The following SHC3 variants were observed in gnomAD, a reference collection of about 807,000 sequenced individuals.
SHC3 encodes the protein SHC-transforming protein 3.
In SHC3, 15 loss-of-function variants were observed where a neutral mutation model predicts 60.4. The ratio of observed to expected loss-of-function variants is 0.25; its 90% confidence interval spans 0.17 to 0.38. The LOEUF is 0.38. SHC3 is among the 10% of genes least tolerant of loss of function. The pLI, the probability that SHC3 is intolerant of heterozygous loss-of-function variation, is 1.00. For synonymous variants in SHC3, 294 were observed against 325.9 expected, an observed-to-expected ratio of 0.90 and a Z score of 1.05; for missense variants, 677 against 786.1, an observed-to-expected ratio of 0.86 and a Z score of 1.66.
chr9:89,149,487 CT>C (rs1227405155), intron 1 of SHC3, among the ~76,000 whole-genome samples: 2 of 152,116 alleles, frequency 1.3e-5, no homozygotes, highest in African/African-American at 2.4e-5. Flanking sequence ...CTCTGCACCC[CT>C]CTTCCTAAGA....
At chr9:89,136,839 T>C (rs947655082) in intron 1 of SHC3, among the ~76,000 whole-genome samples, 2 of 151,952 alleles carry the variant, frequency 1.3e-5, no homozygotes, top group Non-Finnish European at 2.9e-5. Flanking sequence ...TGGAGTGTAT[T>C]AGACCATTCT....
intron 11 of SHC3, among the ~76,000 whole-genome samples, chr9:89,035,862 T>TATATATATATA (rs1491088730): frequency 8.7e-4 from 91 of 105,048 alleles, no homozygotes; most frequent in Middle Eastern, 5.1e-3. Context: ...TGTGTGTGTG[T>TATATATATATA]GTGTGTGTGT....
At chr9:89,107,701 A>C (rs1167479199) in intron 2 of SHC3, among the ~76,000 whole-genome samples, 1 of 152,180 alleles carries the variant, frequency 6.6e-6, no homozygotes, top group Non-Finnish European at 1.5e-5. Flanking sequence ...GCCATTCTGC[A>C]CCACCCAAAT....
chr9:89,016,677 A>C (rs1826100399), intron 11 of SHC3, among the ~76,000 whole-genome samples: 1 of 152,228 alleles, frequency 6.6e-6, no homozygotes, highest in Admixed American at 6.5e-5. Flanking sequence ...CTATGAAGCC[A>C]GCATTACCTG....
Position 89,042,028 on chromosome 9 carries a change from ATGTCAAAGAGGTCTTTCCTTGGGC to A in SHC3, c.1334_1357del (p.Ser445_Asp452del). 6.2e-7 allele frequency: 1 copy of A among 1,613,858 alleles called. No individual in the cohort carries two copies. Among genetic ancestry groups the A allele is most frequent in the Non-Finnish European group, 8.5e-7 (1 of 1,179,954 alleles). On this transcript the variant is annotated inframe_deletion, in exon 10 of 12. Coordinates refer to ENST00000375835, the MANE Select transcript of SHC3 (RefSeq NM_016848.6). ...ACCAGAGACAAACAGAAACCCACTC[ATGTCAAAGAGGTCTTTCCTTGGGC>A]TGCTCTCAGCACTGCTGACCGCAGC...
intron 2 of SHC3, among the ~76,000 whole-genome samples, chr9:89,097,963 G>A (rs1825729795): frequency 6.6e-6 from 1 of 152,146 alleles, no homozygotes; most frequent in Non-Finnish European, 1.5e-5. Flanking sequence ...TATCAAAGAT[G>A]CACATAAAAA....
At chr9:89,031,760 T>G (rs1039329453) in intron 11 of SHC3, among the ~76,000 whole-genome samples, 1 of 152,220 alleles carries the variant, frequency 6.6e-6, no homozygotes, top group Admixed American at 6.5e-5. Context: ...GGGAGATCAG[T>G]GTTTTTCTTT....
chr9:89,054,566 A>G (rs1359632682), intron 6 of SHC3, among the ~76,000 whole-genome samples: 1 of 152,254 alleles, frequency 6.6e-6, no homozygotes, highest in Non-Finnish European at 1.5e-5. Flanking sequence ...TGATGTGTGC[A>G]CTAAATAATG....
At position 89,013,287 on chromosome 9, in the gene SHC3, C is replaced by G. The variant is rs528927987; in HGVS notation, c.*160G>C. 6.8e-5 allele frequency: 56 copies of G among 818,232 alleles called. No individual in the cohort carries two copies. The highest frequency in any genetic ancestry group is 9.3e-5 in the Non-Finnish European group (54 of 581,744). 50.7% of individuals were successfully genotyped at this position (818,232 alleles called of 1,614,324 possible). A position where few individuals can be genotyped will look rare whatever the true frequency, so the allele number is the denominator to read the frequency against. Reference sequence around the variant, plus strand: ...TAATATGCATATGAGAAATTCAGAACCAAGTTTATGAAACTTGACCTTAAA... The same window carrying G: ...TAATATGCATATGAGAAATTCAGAAGCAAGTTTATGAAACTTGACCTTAAA... On this transcript the variant is annotated 3_prime_UTR_variant, in exon 12 of 12. Transcript: ENST00000375835.
chr9:89,167,535 C>G (rs1403965725), intron 1 of SHC3, among the ~76,000 whole-genome samples: 1 of 152,148 alleles, frequency 6.6e-6, no homozygotes, highest in Non-Finnish European at 1.5e-5. Context: ...ATCAGGGGCA[C>G]CTGCCAGGTC....
rs745538070 is a variant in SHC3, at chr9:89,035,462, A to G, written c.1656+2531T>C. 1.2e-4 allele frequency among the ~76,000 whole-genome samples: 19 copies of G among 152,174 alleles called. 1 individual carries two copies. The highest frequency in any genetic ancestry group is 2.4e-4 in the Non-Finnish European group (16 of 68,038). ...ACCACCAGATGTTAGGAGAGTTCCA[A>G]AGCCATAAGGATGTAATAGCATGGT... On this transcript the variant is annotated intron_variant, in intron 11 of 11. Coordinates refer to ENST00000375835, the MANE Select transcript of SHC3 (RefSeq NM_016848.6).
Position 89,047,000 on chromosome 9 carries a change from A to G in SHC3, c.963-6T>C, listed in dbSNP as rs1441474179. 6.4e-7 allele frequency: 1 copy of G among 1,553,646 alleles called. No homozygotes were observed. The highest frequency in any genetic ancestry group is 2.0e-5 in the Admixed American group (1 of 49,676). Reference sequence around the variant, plus strand: ...GCTCATCCAGACTCTGCATTCTGTTAAAGGAAGATTTCCAAGGGCTTTAGC... The same window carrying G: ...GCTCATCCAGACTCTGCATTCTGTTGAAGGAAGATTTCCAAGGGCTTTAGC... On this transcript the variant is annotated splice_polypyrimidine_tract_variant and splice_region_variant and intron_variant, in intron 7 of 11. Transcript: ENST00000375835.
chr9:89,174,815 C>T (rs1172234622), intron 1 of SHC3, among the ~76,000 whole-genome samples: 2 of 152,180 alleles, frequency 1.3e-5, no homozygotes, highest in Non-Finnish European at 2.9e-5. Context: ...TTCAGATGGC[C>T]CACTGGCTCT....
At chr9:89,117,159 G>T (rs556137279) in intron 1 of SHC3, among the ~76,000 whole-genome samples, 2 of 152,196 alleles carry the variant, frequency 1.3e-5, no homozygotes, top group Non-Finnish European at 2.9e-5. Flanking sequence ...CTAATTTCTT[G>T]TAGTTATATT....
In SHC3 at chr9:89,082,369, C is replaced by T. The variant is rs369543325; in HGVS notation, c.546-4466G>A. 3.9e-5 allele frequency among the ~76,000 whole-genome samples: 6 copies of T among 152,082 alleles called. No homozygotes were observed. The South Asian group carries it at 1.2e-3, about 31-fold the overall frequency. ...AAAGCTGACTGGGCCACATAGGTAC[C>T]CCTCCCTGGAACCAGCACCTCTGCC... On this transcript the variant is annotated intron_variant, in intron 2 of 11. Transcript: ENST00000375835.
rs963844960 is a variant in SHC3, at chr9:89,077,176, CA to C, written c.609+663del. The stretch of plus-strand genomic sequence containing the variant: ...CGGGGGATAGAGCGAGACTCTGTCT[CA>C]AAAAAACAAAAAAAAAAACAAAAAA... On this transcript the variant is annotated intron_variant, in intron 3 of 11. Transcript: ENST00000375835. Among the ~76,000 whole-genome samples, 5 of 128,810 alleles carry C rather than the reference CA, an allele frequency of 3.9e-5. No individual in the cohort carries two copies. The Admixed American group carries it at 4.0e-4, about 10-fold the overall frequency. The allele number at this position is 128,810 out of a possible 152,430, so 84.5% of individuals were successfully genotyped here. A position where few individuals can be genotyped will look rare whatever the true frequency, so the allele number is the denominator to read the frequency against.
At chr9:89,036,490 C>G (rs1306277437) in intron 11 of SHC3, among the ~76,000 whole-genome samples, 1 of 152,196 alleles carries the variant, frequency 6.6e-6, no homozygotes, top group Non-Finnish European at 1.5e-5. Flanking sequence ...CTCTTGGCTC[C>G]TGTCCCAGAG....
chr9:89,083,797 A>T (rs1190060084), intron 2 of SHC3, among the ~76,000 whole-genome samples: 1 of 152,110 alleles, frequency 6.6e-6, no homozygotes, highest in Non-Finnish European at 1.5e-5. Context: ...TCCATCCCGA[A>T]GCTGTTGACT....
chr9:89,028,980 GATATAGATATCT>G (rs1045276231), intron 11 of SHC3, among the ~76,000 whole-genome samples: 7 of 147,656 alleles, frequency 4.7e-5, no homozygotes, highest in African/African-American at 1.5e-4. Flanking sequence ...TATATATATA[GATATAGATATCT>G]ATATAGATAT....
Sources: gnomAD v4.1 joint callset for allele counts (sites outside exome capture counted in the v4.1 genomes callset) on GRCh38, gnomAD v4.1.1 for gene constraint, MANE v1.5 for transcripts, NCBI Gene and HGNC (gene_info 2026-07-23, HGNC 2026-07-21) for gene names.